DLGAP2: variants seen among roughly 807,000 people sequenced by gnomAD.
DLGAP2 encodes the protein DLG associated protein 2.
DLGAP2 carries 26 observed loss-of-function variants against 100.3 expected under a neutral mutation model. The observed-to-expected ratio is 0.26, with a 90% confidence interval of 0.19 to 0.36. The LOEUF (loss-of-function observed/expected upper bound fraction) is 0.36. Ranked by LOEUF, DLGAP2 falls within the 10% of genes least tolerant of loss-of-function variation. The pLI, the probability that DLGAP2 is intolerant of heterozygous loss-of-function variation, is 1.00. For synonymous variants in DLGAP2, 886 were observed against 630.1 expected (o/e 1.41, Z -6.08); for missense variants, 1,858 against 1,453.2 (o/e 1.28, Z -4.53).
intron 3 of DLGAP2, among the ~76,000 whole-genome samples, chr8:1,459,406 A>G (rs776396437): frequency 1.3e-5 from 2 of 152,214 alleles, no homozygotes; most frequent in Non-Finnish European, 2.9e-5. Context: ...ACGTTCAGAG[A>G]TTGTCACTTG....
At chr8:1,092,643 A>C (rs1167856158) in intron 2 of DLGAP2, among the ~76,000 whole-genome samples, 1 of 152,106 alleles carries the variant, frequency 6.6e-6, no homozygotes, top group Non-Finnish European at 1.5e-5. Context: ...CATTGATTGG[A>C]TCTTGTAATT....
chr8:899,128 G>A (rs1798202176), intron 1 of DLGAP2, among the ~76,000 whole-genome samples: 1 of 152,214 alleles, frequency 6.6e-6, no homozygotes, highest in African/African-American at 2.4e-5. Context: ...GCAGCCTGAT[G>A]TCTTCACGCC....
intron 2 of DLGAP2, among the ~76,000 whole-genome samples, chr8:953,480 C>T (rs1239575422): frequency 6.6e-6 from 1 of 152,226 alleles, no homozygotes; most frequent in African/African-American, 2.4e-5. Context: ...GCGTGAGCCA[C>T]CGTGCCTGGC....
At chr8:819,054 A>G (rs180706193) in intron 1 of DLGAP2, among the ~76,000 whole-genome samples, 31 of 152,380 alleles carry the variant, frequency 2.0e-4, no homozygotes, top group Admixed American at 1.6e-3. Flanking sequence ...ACTAATAAGC[A>G]TCAGTCTCAT....
chr8:840,663 GAGCGCGTCCACACGGTGCACACCTGTA>G lies in DLGAP2; in HGVS notation c.19-67248_19-67222del, dbSNP rs1261684208. Among the ~76,000 whole-genome samples, 10 of 132,716 alleles carry G rather than the reference GAGCGCGTCCACACGGTGCACACCTGTA, an allele frequency of 7.5e-5. 1 individual carries two copies. The highest frequency in any genetic ancestry group is 1.5e-4 in the Non-Finnish European group (9 of 59,516). The allele number at this position is 132,716 out of a possible 152,430, so 87.1% of individuals were successfully genotyped here. On this transcript the variant is annotated intron_variant, in intron 1 of 14. Transcript: ENST00000637795. ...TGTCTCCCTACACTCTGGATTCTGC[GAGCGCGTCCACACGGTGCACACCTGTA>G]TGTCTCCCTACACTCTGGATTCTGT...
At chr8:1,031,789 A>G (rs903223436) in intron 2 of DLGAP2, among the ~76,000 whole-genome samples, 1 of 152,266 alleles carries the variant, frequency 6.6e-6, no homozygotes, top group African/African-American at 2.4e-5. Flanking sequence ...TGAGTTTACC[A>G]AAAAATAAAA....
intron 2 of DLGAP2, among the ~76,000 whole-genome samples, chr8:1,001,767 C>T (rs765672581): frequency 6.6e-6 from 1 of 152,158 alleles, no homozygotes; most frequent in Non-Finnish European, 1.5e-5. Flanking sequence ...TGTCCTTCCT[C>T]CACTCCCCCA....
chr8:1,552,306 C>T (rs749363416), intron 5 of DLGAP2, among the ~76,000 whole-genome samples: 1 of 152,222 alleles, frequency 6.6e-6, no homozygotes, highest in Admixed American at 6.5e-5. Context: ...CGTTTTCTTG[C>T]AGTAGCAAGC....
At chr8:1,216,085 C>G (rs1798207288) in intron 2 of DLGAP2, among the ~76,000 whole-genome samples, 1 of 152,196 alleles carries the variant, frequency 6.6e-6, no homozygotes, top group Non-Finnish European at 1.5e-5. Context: ...TGAATTACTT[C>G]TAATTTGTGA....
chr8:1,640,587 C>T (rs1797873824), intron 8 of DLGAP2, among the ~76,000 whole-genome samples: 1 of 152,106 alleles, frequency 6.6e-6, no homozygotes, highest in African/African-American at 2.4e-5. Context: ...CCCAAGAATC[C>T]TTCAGCAAAG....
intron 1 of DLGAP2, among the ~76,000 whole-genome samples, chr8:863,268 G>A (rs1797427237): frequency 6.6e-6 from 1 of 152,200 alleles, no homozygotes; most frequent in Non-Finnish European, 1.5e-5. Context: ...ATTTAAGGAT[G>A]TGCTTTGATA....
intron 4 of DLGAP2, among the ~76,000 whole-genome samples, chr8:1,514,199 A>G (rs1218414393): frequency 6.6e-6 from 1 of 152,236 alleles, no homozygotes; most frequent in African/African-American, 2.4e-5. Flanking sequence ...ATTGTACATA[A>G]TTAGAGATAT....
chr8:976,955 A>C (rs187402365), intron 2 of DLGAP2, among the ~76,000 whole-genome samples: 1 of 152,372 alleles, frequency 6.6e-6, no homozygotes, highest in East Asian at 1.9e-4. Flanking sequence ...CATTAAAGTT[A>C]AAAACTTCTT....
intron 13 of DLGAP2, 33 bp downstream of exon 13, chr8:1,691,659 G>A (rs761884765): frequency 1.9e-6 from 3 of 1,551,920 alleles, no homozygotes; most frequent in African/African-American, 2.7e-5. Flanking sequence ...CCTGTTCCCT[G>A]TAACCAAGCT....
chr8:792,704 G>A (rs1795940655), intron 1 of DLGAP2, among the ~76,000 whole-genome samples: 1 of 152,128 alleles, frequency 6.6e-6, no homozygotes, highest in South Asian at 2.1e-4. Context: ...ATGGTGTTAG[G>A]TTTTATCAAA....
intron 2 of DLGAP2, among the ~76,000 whole-genome samples, chr8:1,212,042 G>T (rs1475903915): frequency 6.6e-6 from 1 of 152,222 alleles, no homozygotes; most frequent in African/African-American, 2.4e-5. Flanking sequence ...CTAAAGCCTA[G>T]AGCAGAGTGG....
intron 2 of DLGAP2, among the ~76,000 whole-genome samples, chr8:1,256,041 T>C (rs568254900): frequency 7.6e-6 from 1 of 131,190 alleles, no homozygotes; most frequent in East Asian, 2.7e-4. Context: ...CCGGGTGCTG[T>C]GTGTGTGTCC....
chr8:1,229,306 C>G (rs972834146), intron 2 of DLGAP2, among the ~76,000 whole-genome samples: 1 of 151,378 alleles, frequency 6.6e-6, no homozygotes, highest in African/African-American at 2.4e-5. Flanking sequence ...GAATCGGAAT[C>G]AGCTCCTTTT....
chr8:1,638,876 G>T (rs970274663), intron 8 of DLGAP2, among the ~76,000 whole-genome samples: 5 of 152,262 alleles, frequency 3.3e-5, no homozygotes, highest in African/African-American at 1.2e-4. Flanking sequence ...CAGCGATGGG[G>T]CTGTGCCGTT....
Sources: gnomAD v4.1 joint callset for allele counts (sites outside exome capture counted in the v4.1 genomes callset) on GRCh38, gnomAD v4.1.1 for gene constraint, MANE v1.5 for transcripts, NCBI Gene and HGNC (gene_info 2026-07-23, HGNC 2026-07-21) for gene names.